Variants in LRMDA observed in about 807,000 individuals in gnomAD.
The protein encoded by LRMDA is leucine-rich melanocyte differentiation-associated protein.
Under a neutral mutation model 29.8 loss-of-function variants are expected in LRMDA, and 18 were observed. That is an observed-to-expected ratio of 0.60 (90% CI 0.42 to 0.90). The LOEUF is 0.90. Ranked by LOEUF, LRMDA falls within the 40% of genes least tolerant of loss-of-function variation. The probability of loss-of-function intolerance (pLI) is 0.00; values close to 1 mark genes in which losing one functional copy is unlikely to be tolerated. For missense variants in LRMDA, 273 were observed against 273.9 expected, an observed-to-expected ratio of 1.00 and a Z score of 0.02; for synonymous variants, 125 against 109.4, an observed-to-expected ratio of 1.14 and a Z score of -0.89.
At chr10:75,496,376 A>C (rs932963473) in intron 2 of LRMDA, among the ~76,000 whole-genome samples, 1 of 152,184 alleles carries the variant, frequency 6.6e-6, no homozygotes, top group Non-Finnish European at 1.5e-5. Flanking sequence ...TTAAATGAGA[A>C]CACATGTAAA....
At chr10:76,047,915 G>A (rs1848467551) in intron 4 of LRMDA, among the ~76,000 whole-genome samples, 1 of 152,214 alleles carries the variant, frequency 6.6e-6, no homozygotes, top group Admixed American at 6.5e-5. Context: ...AAGTAGAAAT[G>A]CTTTTCGTTC....
intron 5 of LRMDA, among the ~76,000 whole-genome samples, chr10:76,127,666 G>A (rs1246839761): frequency 1.3e-5 from 2 of 151,198 alleles, no homozygotes; most frequent in Non-Finnish European, 2.9e-5. Flanking sequence ...AGATAAGGCA[G>A]TTGTAAAAGC....
At chr10:75,795,840 GAT>G (rs780706364) in intron 2 of LRMDA, among the ~76,000 whole-genome samples, 2 of 152,102 alleles carry the variant, frequency 1.3e-5, no homozygotes, top group Non-Finnish European at 2.9e-5. Flanking sequence ...GTGGAATGTT[GAT>G]ATCTTAAGTT....
chr10:76,100,788 A>G (rs1317239333), intron 5 of LRMDA, among the ~76,000 whole-genome samples: 1 of 152,178 alleles, frequency 6.6e-6, no homozygotes, highest in African/African-American at 2.4e-5. Flanking sequence ...CCTTTCCATT[A>G]GTAGCATCTG....
At chr10:75,636,506 A>G (rs1046505646) in intron 2 of LRMDA, among the ~76,000 whole-genome samples, 8 of 152,208 alleles carry the variant, frequency 5.3e-5, no homozygotes, top group Non-Finnish European at 1.2e-4. Context: ...CATTATCACT[A>G]CTTGGGCAAC....
intron 6 of LRMDA, among the ~76,000 whole-genome samples, chr10:76,371,053 G>A (rs539860670): frequency 2.4e-4 from 36 of 152,252 alleles, no homozygotes; most frequent in South Asian, 2.1e-4. Flanking sequence ...TCAACTGGTC[G>A]CACATTCCAA....
chr10:75,862,266 T>C (rs770530286), intron 2 of LRMDA, among the ~76,000 whole-genome samples: 2 of 151,676 alleles, frequency 1.3e-5, no homozygotes, highest in Non-Finnish European at 2.9e-5. Flanking sequence ...ATCTGAGAAG[T>C]TGGTGTTTTT....
chr10:76,306,567 A>G (rs768655997), intron 5 of LRMDA, among the ~76,000 whole-genome samples: 2 of 152,152 alleles, frequency 1.3e-5, no homozygotes, highest in Non-Finnish European at 2.9e-5. Flanking sequence ...CCTCAACACA[A>G]TGAACCTGGA....
At chr10:76,354,333 G>A (rs966865656) in intron 6 of LRMDA, among the ~76,000 whole-genome samples, 4 of 152,174 alleles carry the variant, frequency 2.6e-5, no homozygotes, top group Non-Finnish European at 5.9e-5. Context: ...AGGTAAACCA[G>A]ATCTGAGTTG....
chr10:76,298,733 G>A (rs549196672), intron 5 of LRMDA, among the ~76,000 whole-genome samples: 1 of 152,286 alleles, frequency 6.6e-6, no homozygotes, highest in African/African-American at 2.4e-5. Flanking sequence ...TTACTTTCTA[G>A]AATTCTTTCT....
At chr10:76,340,228 G>T (rs2132418662) in intron 6 of LRMDA, among the ~76,000 whole-genome samples, 1 of 152,136 alleles carries the variant, frequency 6.6e-6, no homozygotes, top group South Asian at 2.1e-4. Context: ...TATAAAAAGA[G>T]AGGGAGGCCA....
At chr10:76,046,525 CT>C (rs1440910119) in intron 3 of LRMDA, among the ~76,000 whole-genome samples, 1 of 152,124 alleles carries the variant, frequency 6.6e-6, no homozygotes, top group Non-Finnish European at 1.5e-5. Context: ...GAGACAGAGT[CT>C]CGCTCTGTCA....
chr10:75,717,133 G>A (rs1031422108), intron 2 of LRMDA, among the ~76,000 whole-genome samples: 4 of 152,314 alleles, frequency 2.6e-5, no homozygotes, highest in South Asian at 2.1e-4. Context: ...TGGGCTAAGG[G>A]AAATTAGGCT....
At chr10:75,940,713 T>C (rs1846375615) in intron 2 of LRMDA, among the ~76,000 whole-genome samples, 1 of 152,166 alleles carries the variant, frequency 6.6e-6, no homozygotes, top group Admixed American at 6.5e-5. Flanking sequence ...TAGTAGGTGC[T>C]TCATAAATAT....
At chr10:75,970,389 C>T (rs1306414608) in intron 2 of LRMDA, among the ~76,000 whole-genome samples, 1 of 152,236 alleles carries the variant, frequency 6.6e-6, no homozygotes. Flanking sequence ...AGCCCTTTAC[C>T]TCCCCTTAAG....
At chr10:76,378,858 CT>C (rs144037195) in intron 6 of LRMDA, among the ~76,000 whole-genome samples, 10 of 118,964 alleles carry the variant, frequency 8.4e-5, no homozygotes, top group East Asian at 4.9e-4. Context: ...CTTTTTTTTT[CT>C]TTTTTTTTTT....
intron 5 of LRMDA, among the ~76,000 whole-genome samples, chr10:76,137,147 A>T (rs1482662379): frequency 6.6e-6 from 1 of 152,106 alleles, no homozygotes; most frequent in Non-Finnish European, 1.5e-5. Context: ...TTCCTGTTCA[A>T]TTCCCAAGCC....
At chr10:75,789,557 G>A (rs1843530832) in intron 2 of LRMDA, among the ~76,000 whole-genome samples, 1 of 152,166 alleles carries the variant, frequency 6.6e-6, no homozygotes, top group Non-Finnish European at 1.5e-5. Context: ...AGTAAACCAG[G>A]AATGTCTCTA....
intron 5 of LRMDA, among the ~76,000 whole-genome samples, chr10:76,081,229 A>G (rs1376447868): frequency 6.6e-6 from 1 of 152,164 alleles, no homozygotes; most frequent in Non-Finnish European, 1.5e-5. Flanking sequence ...TAATCCCAGC[A>G]CTTTGGGAGG....
Sources: allele counts gnomAD v4.1 joint callset (sites outside exome capture counted in the v4.1 genomes callset), GRCh38; gene constraint gnomAD v4.1.1; transcripts MANE v1.5; gene names NCBI Gene and HGNC (gene_info 2026-07-23, HGNC 2026-07-21).